Variants in GPR176 observed in about 807,000 individuals in gnomAD.
GPR176 encodes G protein-coupled receptor 176, also known as G-protein coupled receptor 176.
In GPR176, 26 loss-of-function variants were observed where a neutral mutation model predicts 35.4. The ratio of observed to expected loss-of-function variants is 0.74; its 90% confidence interval spans 0.54 to 1.02. GPR176 has a LOEUF of 1.02. Among genes scored for constraint, GPR176 ranks in the 50% least tolerant of loss-of-function variants. The pLI is 0.00. For missense variants in GPR176, 597 were observed against 665.3 expected (o/e 0.90, Z 1.13); for synonymous variants, 278 against 271.3 (o/e 1.02, Z -0.24).
chr15:39,800,866 A>C lies in GPR176; in HGVS notation c.*266T>G, dbSNP rs142589452. ...GGGTACCCACCTCAAGACCCATTCAAAACTGCCCAGCTCTTGTCCCCACAG... is the reference window on the plus strand; with the variant it reads ...GGGTACCCACCTCAAGACCCATTCACAACTGCCCAGCTCTTGTCCCCACAG... On this transcript the variant is annotated 3_prime_UTR_variant, in exon 3 of 3. Coordinates refer to ENST00000561100, the MANE Select transcript of GPR176 (RefSeq NM_007223.3). 2.3e-4 allele frequency: 88 copies of C among 390,942 alleles called. No individual in the cohort carries two copies. The East Asian group carries it at 3.4e-3, about 15-fold the overall frequency. The allele number at this position is 390,942 out of a possible 1,614,324, so 24.2% of individuals were successfully genotyped here.
chr15:39,905,048 C>G (rs1566968923), intron 1 of GPR176, among the ~76,000 whole-genome samples: 1 of 152,220 alleles, frequency 6.6e-6, no homozygotes, highest in Non-Finnish European at 1.5e-5. Context: ...AACCCCAGCC[C>G]AGCTGCAATC....
At chr15:39,804,871 T>TA in intron 2 of GPR176, among the ~76,000 whole-genome samples, 1 of 152,272 alleles carries the variant, frequency 6.6e-6, no homozygotes, top group African/African-American at 2.4e-5. Flanking sequence ...CACCTACATG[T>TA]AATGTCCAAT....
At chr15:39,861,331 C>T (rs144736346) in intron 1 of GPR176, among the ~76,000 whole-genome samples, 6 of 152,256 alleles carry the variant, frequency 3.9e-5, no homozygotes, top group African/African-American at 1.4e-4. Flanking sequence ...GCTGGCAGAT[C>T]ACAAAGTCAA....
chr15:39,806,064 A>AT (rs950764898), intron 2 of GPR176, among the ~76,000 whole-genome samples: 3 of 152,232 alleles, frequency 2.0e-5, no homozygotes, highest in Admixed American at 1.3e-4. Flanking sequence ...AGAGGCTGAA[A>AT]TGACTCTATA....
At chr15:39,904,617 T>C (rs367864474) in intron 1 of GPR176, among the ~76,000 whole-genome samples, 24 of 152,252 alleles carry the variant, frequency 1.6e-4, no homozygotes, top group Middle Eastern at 3.4e-3. Context: ...TCCCCTGCAA[T>C]TGGGGTTCAC....
At position 39,819,861 on chromosome 15, in the gene GPR176, G is replaced by A. The variant is rs576351595; in HGVS notation, c.173-12603C>T. Among the ~76,000 whole-genome samples, 3 of 152,350 alleles carry A rather than the reference G, an allele frequency of 2.0e-5. No homozygotes were observed. In the South Asian group the frequency reaches 6.2e-4, roughly 32 times the overall value. Reference sequence around the variant, plus strand: ...CAGTCCACTGGGACCTAGCATAGCTGATGTGAACTGGAGAAATAAGATTTT... The same window carrying A: ...CAGTCCACTGGGACCTAGCATAGCTAATGTGAACTGGAGAAATAAGATTTT... On this transcript the variant is annotated intron_variant, in intron 1 of 2. Transcript: ENST00000561100.
Position 39,801,098 on chromosome 15 carries a change from G to A in GPR176, c.*34C>T, listed in dbSNP as rs753341899. On this transcript the variant is annotated 3_prime_UTR_variant, in exon 3 of 3. Coordinates refer to ENST00000561100, the MANE Select transcript of GPR176 (RefSeq NM_007223.3). ...CCCACACTCTGGTGGGAATATGGAAGCTCCCCGTTGCTTCCAAGAATTTAC... is the reference window on the plus strand; with the variant it reads ...CCCACACTCTGGTGGGAATATGGAAACTCCCCGTTGCTTCCAAGAATTTAC... 2 of 1,541,400 alleles carry A rather than the reference G, an allele frequency of 1.3e-6. No individual in the cohort carries two copies. Among genetic ancestry groups the A allele is most frequent in the Admixed American group, 1.9e-5 (1 of 53,756 alleles).
intron 1 of GPR176, among the ~76,000 whole-genome samples, chr15:39,848,823 G>C (rs2030634602): frequency 6.6e-6 from 1 of 150,704 alleles, no homozygotes; most frequent in Admixed American, 6.6e-5. Context: ...AAGCAGTGCT[G>C]AGAGAGAAAT....
chr15:39,845,831 T>C (rs2030383337), intron 1 of GPR176, among the ~76,000 whole-genome samples: 1 of 152,166 alleles, frequency 6.6e-6, no homozygotes, highest in Non-Finnish European at 1.5e-5. Flanking sequence ...TGTGCCTACA[T>C]CCTGAGGCCT....
chr15:39,903,674 A>G (rs2033342927), intron 1 of GPR176, among the ~76,000 whole-genome samples: 1 of 152,136 alleles, frequency 6.6e-6, no homozygotes, highest in African/African-American at 2.4e-5. Context: ...AACTGCTTCC[A>G]GCCAAAGCAG....
chr15:39,823,663 A>C (rs1387404635), intron 1 of GPR176, among the ~76,000 whole-genome samples: 1 of 152,194 alleles, frequency 6.6e-6, no homozygotes. Context: ...GCAGTTAGGA[A>C]CATCACTCCC....
At chr15:39,869,505 C>A (rs968098550) in intron 1 of GPR176, among the ~76,000 whole-genome samples, 4 of 152,182 alleles carry the variant, frequency 2.6e-5, no homozygotes, top group African/African-American at 9.7e-5. Flanking sequence ...TCCTCCCAGA[C>A]AAGAGCCACT....
chr15:39,868,655 C>T (rs542926860), intron 1 of GPR176, among the ~76,000 whole-genome samples: 5 of 152,056 alleles, frequency 3.3e-5, no homozygotes, highest in South Asian at 2.1e-4. Context: ...TTTAGGAATG[C>T]TCAGGATAAA....
At position 39,837,993 on chromosome 15, in the gene GPR176, T is replaced by TAA. The variant is rs5812142; in HGVS notation, c.173-30737_173-30736dup. Reference sequence around the variant, plus strand: ...ATACCAACACCCCAACTCCATTAATTAAAAAAAAAAAAAAAAAAAAGTCAA... The same window carrying TAA: ...ATACCAACACCCCAACTCCATTAATTAAAAAAAAAAAAAAAAAAAAAAGTCAA... On this transcript the variant is annotated intron_variant, in intron 1 of 2. Transcript: ENST00000561100. Among the ~76,000 whole-genome samples the TAA allele has an allele frequency of 5.4e-3, 671 of 124,496 alleles. 7 individuals are homozygous for TAA. The highest frequency in any genetic ancestry group is 0.013 in the African/African-American group (468 of 35,690). The allele number at this position is 124,496 out of a possible 152,430, so 81.7% of individuals were successfully genotyped here. A position where few individuals can be genotyped will look rare whatever the true frequency, so the allele number is the denominator to read the frequency against.
At chr15:39,865,595 G>A (rs936353834) in intron 1 of GPR176, among the ~76,000 whole-genome samples, 2 of 152,058 alleles carry the variant, frequency 1.3e-5, no homozygotes, top group Non-Finnish European at 2.9e-5. Flanking sequence ...ATTATTTAAT[G>A]GGTACAATGT....
intron 1 of GPR176, among the ~76,000 whole-genome samples, chr15:39,828,929 CATT>C (rs1488811840): frequency 6.6e-6 from 1 of 152,152 alleles, no homozygotes; most frequent in African/African-American, 2.4e-5. Context: ...AGTGTGCTAA[CATT>C]AGAAAGAATG....
chr15:39,802,733 A>C (rs1322170319), intron 2 of GPR176, among the ~76,000 whole-genome samples: 1 of 152,232 alleles, frequency 6.6e-6, no homozygotes, highest in East Asian at 1.9e-4. Context: ...GTCTACACAC[A>C]TATCTAAAGC....
chr15:39,867,516 C>T (rs540528287), intron 1 of GPR176, among the ~76,000 whole-genome samples: 75 of 152,202 alleles, frequency 4.9e-4, no homozygotes, highest in African/African-American at 1.6e-3. Flanking sequence ...AGCTGGGAAA[C>T]GCCTCAAAGG....
intron 1 of GPR176, among the ~76,000 whole-genome samples, chr15:39,897,582 A>G (rs570850671): frequency 6.7e-6 from 1 of 149,164 alleles, no homozygotes. Flanking sequence ...CTGAGAGATC[A>G]TGAGAAACAT....
Sources: allele counts gnomAD v4.1 joint callset (sites outside exome capture counted in the v4.1 genomes callset), GRCh38; gene constraint gnomAD v4.1.1; transcripts MANE v1.5; gene names NCBI Gene and HGNC (gene_info 2026-07-23, HGNC 2026-07-21).